Variants in ADGRA2 observed in about 807,000 individuals in gnomAD.
The protein encoded by ADGRA2 is G-protein coupled receptor 124.
In ADGRA2, 61 loss-of-function variants were observed where a neutral mutation model predicts 98.7. That is an observed-to-expected ratio of 0.62 (90% CI 0.50 to 0.76). The LOEUF (loss-of-function observed/expected upper bound fraction) is 0.76, where lower values mean the gene tolerates loss of function less well. ADGRA2 is among the 30% of genes least tolerant of loss of function. The probability of loss-of-function intolerance (pLI) is 0.00; values close to 1 mark genes in which losing one functional copy is unlikely to be tolerated. For missense variants in ADGRA2, 1,712 were observed against 1,860.0 expected, an observed-to-expected ratio of 0.92 and a Z score of 1.46; for synonymous variants, 858 against 831.5, an observed-to-expected ratio of 1.03 and a Z score of -0.55.
At position 37,813,236 on chromosome 8, in the gene ADGRA2, T is replaced by A. The variant is rs563186274; in HGVS notation, c.267-1660T>A. Among the ~76,000 whole-genome samples the A allele has an allele frequency of 7.2e-5, 11 of 152,058 alleles. No homozygotes were observed. The East Asian group carries it at 1.2e-3, about 16-fold the overall frequency. On this transcript the variant is annotated intron_variant, in intron 1 of 18. Coordinates refer to ENST00000412232, the MANE Select transcript of ADGRA2 (RefSeq NM_032777.10). ...GAGCAAGACCTCATCTCTAAAAAAATTTTTTTTAATTTCTTTTAAAGAGCC... is the reference window on the plus strand; with the variant it reads ...GAGCAAGACCTCATCTCTAAAAAAAATTTTTTTAATTTCTTTTAAAGAGCC...
intron 1 of ADGRA2, among the ~76,000 whole-genome samples, chr8:37,809,068 C>T (rs757721000): frequency 6.6e-6 from 1 of 152,138 alleles, no homozygotes; most frequent in Admixed American, 6.5e-5. Flanking sequence ...AGTGATCCAC[C>T]CACCTTGGCC....
intron 2 of ADGRA2, among the ~76,000 whole-genome samples, chr8:37,818,343 T>A (rs1448867943): frequency 6.6e-6 from 1 of 152,224 alleles, no homozygotes; most frequent in Non-Finnish European, 1.5e-5. Context: ...ACTTCAGCCT[T>A]GCCCCTGTCT....
intron 1 of ADGRA2, among the ~76,000 whole-genome samples, chr8:37,805,825 T>C (rs772466805): frequency 1.8e-4 from 27 of 151,918 alleles, no homozygotes; most frequent in Non-Finnish European, 3.5e-4. Flanking sequence ...GCCGAGATCG[T>C]ACCACTGCAC....
chr8:37,812,451 C>G (rs1032418375), intron 1 of ADGRA2, among the ~76,000 whole-genome samples: 4 of 152,024 alleles, frequency 2.6e-5, no homozygotes, highest in African/African-American at 9.7e-5. Flanking sequence ...CACGGTGAAA[C>G]CCCGTCTCCA....
At chr8:37,815,077 C>A in intron 2 of ADGRA2, 110 bp downstream of exon 2, 1 of 799,500 alleles carries the variant, frequency 1.3e-6, no homozygotes, top group South Asian at 1.4e-5. Context: ...AACCTGCCGG[C>A]CGAGCAGGGC....
Position 37,831,894 on chromosome 8 carries a change from AC to A in ADGRA2, c.1097+309del, listed in dbSNP as rs1323719492. 3.9e-5 allele frequency among the ~76,000 whole-genome samples: 6 copies of A among 152,116 alleles called. No individual in the cohort carries two copies. The East Asian group carries it at 1.2e-3, about 30-fold the overall frequency. On this transcript the variant is annotated intron_variant, in intron 8 of 18. Transcript: ENST00000412232. ...GCCAACATGGCAAAACCCCATCTCTACCAAAAAGCACAAAAATCAGCCAGGC... is the reference window on the plus strand; with the variant it reads ...GCCAACATGGCAAAACCCCATCTCTACAAAAAGCACAAAAATCAGCCAGGC...
Position 37,820,637 on chromosome 8 carries a change from G to A in ADGRA2, c.338+5670G>A, listed in dbSNP as rs371560701. Among the ~76,000 whole-genome samples the A allele has an allele frequency of 8.5e-5, 13 of 152,362 alleles. No homozygotes were observed. The East Asian group carries it at 1.3e-3, about 16-fold the overall frequency. ...ACATCCCACAGTCTATGAGCAGCAC[G>A]TCCAGTGGGAGGGTTGAGGCCCAGT... On this transcript the variant is annotated intron_variant, in intron 2 of 18. Coordinates refer to ENST00000412232, the MANE Select transcript of ADGRA2 (RefSeq NM_032777.10).
intron 13 of ADGRA2, 29 bp from the exon 14 acceptor site, chr8:37,837,702 T>C: frequency 6.5e-7 from 1 of 1,534,566 alleles, no homozygotes; most frequent in Non-Finnish European, 8.8e-7. Flanking sequence ...CCTGTGTGTG[T>C]CTGTGTGGAC....
chr8:37,835,933 T>C lies in ADGRA2; in HGVS notation c.2050+163T>C, dbSNP rs535534037. On this transcript the variant is annotated intron_variant, in intron 13 of 18. Transcript: ENST00000412232. ...TTCCCAACAGGGCAGAGGGTAGAGA[T>C]ACCCCATAAAGAAAGGGTCTGGAGG... Among the ~76,000 whole-genome samples, 8 of 152,072 alleles carry C rather than the reference T, an allele frequency of 5.3e-5. No individual in the cohort carries two copies. In the South Asian group the frequency reaches 1.7e-3, roughly 32 times the overall value.
chr8:37,841,049 C>A lies in ADGRA2; in HGVS notation c.2748-37C>A. Reference sequence around the variant, plus strand: ...GGCCCCCAGCCCCACCCCAGCCATGCCCCCTGTCCTCATCACTGCTTCTGT... The same window carrying A: ...GGCCCCCAGCCCCACCCCAGCCATGACCCCTGTCCTCATCACTGCTTCTGT... On this transcript the variant is annotated intron_variant, in intron 18 of 18. Transcript: ENST00000412232. This position sits in a 1 kb window ranked among gnomAD's most constrained non-coding sequence, Gnocchi z 5.0. The A allele has an allele frequency of 6.5e-7, 1 of 1,549,008 alleles. No individual in the cohort carries two copies. The highest frequency in any genetic ancestry group is 8.7e-7 in the Non-Finnish European group (1 of 1,144,640).
chr8:37,838,858 C>A, intron 14 of ADGRA2, 98 bp from the exon 15 acceptor site: 1 of 1,418,378 alleles, frequency 7.1e-7, no homozygotes, highest in Non-Finnish European at 9.5e-7. Context: ...CACCAAAGTG[C>A]AGGACCAAGG....
At chr8:37,836,909 C>A (rs1805630735) in intron 13 of ADGRA2, among the ~76,000 whole-genome samples, 1 of 152,208 alleles carries the variant, frequency 6.6e-6, no homozygotes, top group African/African-American at 2.4e-5. Flanking sequence ...TGGCCAGGGA[C>A]ACTCACTGAG....
Position 37,829,751 on chromosome 8 carries a change from C to T in ADGRA2, c.555-100C>T, listed in dbSNP as rs542744279. 26 of 1,281,450 alleles carry T rather than the reference C, an allele frequency of 2.0e-5. No homozygotes were observed. The South Asian group carries it at 3.0e-4, about 15-fold the overall frequency. 79.4% of individuals were successfully genotyped at this position (1,281,450 alleles called of 1,614,324 possible). ...GGTGCACATAGACCCGATTTTGCCC[C>T]TCCTACCCTCTCCAGCTTCATCCCT... On this transcript the variant is annotated intron_variant, in intron 5 of 18. Coordinates refer to ENST00000412232, the MANE Select transcript of ADGRA2 (RefSeq NM_032777.10).
At position 37,835,177 on chromosome 8, in the gene ADGRA2, G is replaced by A; in HGVS notation, c.1612G>A (p.Ala538Thr). ...SPHAQHISVN[A>T]RNVALEAYLI... ...ATGACAAGGTCCCTGTCCCCAGAAT[G>A]CGAGGAACGTGGCATTGGAGGCCTA... Residue 538 changes from alanine to threonine, a missense_variant, in exon 12 of 19, where the codon GCG becomes ACG. By Grantham distance (58) the Ala-to-Thr change is moderately conservative (BLOSUM62 0). Coordinates refer to ENST00000412232, the MANE Select transcript of ADGRA2 (RefSeq NM_032777.10). 6.2e-7 allele frequency: 1 copy of A among 1,612,350 alleles called. No homozygotes were observed. The highest frequency in any genetic ancestry group is 8.5e-7 in the Non-Finnish European group (1 of 1,178,616).
In ADGRA2 at chr8:37,834,001, T is replaced by G. The variant is rs1466274224; in HGVS notation, c.1481T>G (p.Leu494Arg). 1 of 1,613,096 alleles carries G rather than the reference T, an allele frequency of 6.2e-7. No individual in the cohort carries two copies. The highest frequency in any genetic ancestry group is 8.5e-7 in the Non-Finnish European group (1 of 1,179,860). Reference protein sequence around the residue: ...VEVMVDMASNLMLVDEHLLWL... With the variant: ...VEVMVDMASNRMLVDEHLLWL... ...GTGATGGTGGACATGGCCAGCAACC[T>G]GATGCTGGTGGACGAGCACCTGCTG... The change falls in exon 11 of 19, where the codon CTG (leucine) becomes CGG (arginine). Residue 494 changes from leucine to arginine, a missense_variant. Physicochemically the swap from Leu to Arg is moderately radical, Grantham distance 102 (BLOSUM62 -2). Transcript: ENST00000412232. This position sits in a 1 kb window ranked among gnomAD's most constrained non-coding sequence, Gnocchi z 4.2.
chr8:37,821,146 T>C (rs1805114707), intron 2 of ADGRA2, among the ~76,000 whole-genome samples: 1 of 152,182 alleles, frequency 6.6e-6, no homozygotes, highest in African/African-American at 2.4e-5. Context: ...GAGAAGCTGA[T>C]GAAAGAGCGC....
Position 37,842,385 on chromosome 8 carries a change from G to T in ADGRA2, c.*30G>T. On this transcript the variant is annotated 3_prime_UTR_variant, in exon 19 of 19. Transcript: ENST00000412232. ...GGGCGGGCGACGCGGTAGACGGGCT[G>T]GCCACGCGGCTCGTTCCCCCGCTCC... 1 of 1,441,504 alleles carries T rather than the reference G, an allele frequency of 6.9e-7. No individual in the cohort carries two copies. The highest frequency in any genetic ancestry group is 1.5e-5 in the South Asian group (1 of 65,326). The allele number at this position is 1,441,504 out of a possible 1,614,324, so 89.3% of individuals were successfully genotyped here. A position where few individuals can be genotyped will look rare whatever the true frequency, so the allele number is the denominator to read the frequency against.
At chr8:37,813,515 G>A (rs959537671) in intron 1 of ADGRA2, among the ~76,000 whole-genome samples, 7 of 152,168 alleles carry the variant, frequency 4.6e-5, no homozygotes, top group African/African-American at 1.7e-4. Context: ...GTGTGTGTGT[G>A]TTTGTGTGTG....
rs372692075 is a variant in ADGRA2 at position 37,833,707 on chromosome 8, A to G, written c.1316A>G (p.Asn439Ser). ...CCCCAGATGCCCATCAATGCCTCCA[A>G]TGCGCTGACCCTGGCTCACCAGCTG... ...TFVLMPINAS[N>S]ALTLAHQLRV... The change falls in exon 10 of 19, where the codon AAT becomes AGT. Residue 439 changes from asparagine (N) to serine (S), a missense_variant. Transcript: ENST00000412232. The G allele has an allele frequency of 5.6e-6, 9 of 1,614,032 alleles. No individual in the cohort carries two copies. The highest frequency in any genetic ancestry group is 1.3e-5 in the African/African-American group (1 of 74,928).
Sources: allele counts gnomAD v4.1 joint callset (sites outside exome capture counted in the v4.1 genomes callset), GRCh38; gene constraint gnomAD v4.1.1; non-coding constraint Gnocchi (gnomAD v3.1); transcripts MANE v1.5; gene names NCBI Gene and HGNC (gene_info 2026-07-23, HGNC 2026-07-21).